Variants in RAPGEF2 observed in about 807,000 individuals in gnomAD.
RAPGEF2 encodes PDZ domain containing guanine nucleotide exchange factor (GEF) 1.
RAPGEF2 carries 54 observed loss-of-function variants against 186.7 expected under a neutral mutation model. The ratio of observed to expected loss-of-function variants is 0.29; its 90% CI spans 0.23 to 0.36. RAPGEF2 has a LOEUF of 0.36. Among genes scored for constraint, RAPGEF2 ranks in the 10% least tolerant of loss-of-function variants. The probability of loss-of-function intolerance (pLI) is 1.00; values close to 1 mark genes in which losing one functional copy is unlikely to be tolerated. For synonymous variants in RAPGEF2, 712 were observed against 705.9 expected, an observed-to-expected ratio of 1.01 and a Z score of -0.14; for missense variants, 1,532 against 2,045.0, an observed-to-expected ratio of 0.75 and a Z score of 4.84.
intron 7 of RAPGEF2, among the ~76,000 whole-genome samples, chr4:159,289,900 T>G (rs1046559750): frequency 1.3e-5 from 2 of 151,898 alleles, no homozygotes; most frequent in Admixed American, 1.3e-4. Context: ...AGAAATAGAT[T>G]TATATATTTA....
At chr4:159,253,930 G>A (rs1755807082) in intron 7 of RAPGEF2, among the ~76,000 whole-genome samples, 1 of 152,012 alleles carries the variant, frequency 6.6e-6, no homozygotes, top group East Asian at 1.9e-4. Context: ...GGAACAGAGC[G>A]AGACTCCGTC....
intron 11 of RAPGEF2, chr4:159,326,787 T>C (rs1346967965): frequency 2.0e-5 from 3 of 152,370 alleles, no homozygotes; most frequent in Non-Finnish European, 4.4e-5. Flanking sequence ...CCTTTCTTTA[T>C]TTCCTCTTTT....
chr4:159,276,920 ATCTT>A (rs995116566), intron 7 of RAPGEF2, among the ~76,000 whole-genome samples: 1 of 152,014 alleles, frequency 6.6e-6, no homozygotes, highest in East Asian at 1.9e-4. Context: ...GTTAGGGACT[ATCTT>A]TTTTTAATTA....
chr4:159,358,762 G>A lies in RAPGEF2; in HGVS notation c.*623G>A, dbSNP rs1732398330. The A allele has an allele frequency of 6.6e-6, 1 of 152,080 alleles. No homozygotes were observed. Among genetic ancestry groups the A allele is most frequent in the African/African-American group, 2.4e-5 (1 of 41,394 alleles). 9.4% of individuals were successfully genotyped at this position (152,080 alleles called of 1,614,324 possible). On this transcript the variant is annotated 3_prime_UTR_variant, in exon 30 of 30. Transcript: ENST00000691494. The stretch of plus-strand genomic sequence containing the variant: ...AGTATTATTTTAAACCTTAAGTAGG[G>A]TTGCCAGCCTGGTTTCTGAAAAACC...
chr4:159,346,249 C>A (rs1730290392), intron 24 of RAPGEF2, among the ~76,000 whole-genome samples: 2 of 152,164 alleles, frequency 1.3e-5, no homozygotes, highest in Admixed American at 1.3e-4. Flanking sequence ...TGCCATTTAT[C>A]TACCACAAAA....
chr4:159,200,269 A>G (rs1021081612), intron 3 of RAPGEF2, among the ~76,000 whole-genome samples: 1 of 151,914 alleles, frequency 6.6e-6, no homozygotes, highest in African/African-American at 2.4e-5. Context: ...GGAGTTCGAG[A>G]CCAGCCTGGA....
At chr4:159,146,669 A>G (rs968303557) in intron 1 of RAPGEF2, among the ~76,000 whole-genome samples, 6 of 152,338 alleles carry the variant, frequency 3.9e-5, no homozygotes, top group African/African-American at 1.4e-4. Context: ...TCAAGGAGGA[A>G]GAACTGGGAT....
intron 9 of RAPGEF2, among the ~76,000 whole-genome samples, chr4:159,315,564 C>T (rs192141217): frequency 2.6e-5 from 4 of 152,156 alleles, no homozygotes; most frequent in Admixed American, 6.5e-5. Flanking sequence ...TTGCGGAAAC[C>T]GGTAGTGGCC....
At chr4:159,304,302 AT>A in intron 7 of RAPGEF2, 39 bp from the exon 8 acceptor site, 1 of 1,533,242 alleles carries the variant, frequency 6.5e-7, no homozygotes, top group Non-Finnish European at 8.9e-7. Context: ...GGAGTTCTTG[AT>A]TCAGATTGTA....
At chr4:159,243,693 G>T (rs2111484631) in intron 6 of RAPGEF2, 81 bp from the exon 7 acceptor site, 2 of 885,456 alleles carry the variant, frequency 2.3e-6, no homozygotes, top group East Asian at 1.2e-4. Flanking sequence ...TCTTCATTTT[G>T]GCAGATGTAA....
chr4:159,104,300 C>T, intron 1 of RAPGEF2, 69 bp downstream of exon 1: 1 of 793,368 alleles, frequency 1.3e-6, no homozygotes, highest in Non-Finnish European at 1.8e-6. Context: ...CCCCTGTCCC[C>T]CCACCTCCTT....
chr4:159,216,975 A>G (rs1030504516), intron 4 of RAPGEF2, among the ~76,000 whole-genome samples: 3 of 152,088 alleles, frequency 2.0e-5, no homozygotes, highest in African/African-American at 4.8e-5. Context: ...GTGACAAACA[A>G]TGAGCTACTT....
intron 1 of RAPGEF2, among the ~76,000 whole-genome samples, chr4:159,113,759 AAAG>A (rs1738752928): frequency 6.6e-6 from 1 of 151,650 alleles, no homozygotes; most frequent in African/African-American, 2.4e-5. Context: ...AAAAAAAAAA[AAAG>A]TATCTTTTTT....
intron 1 of RAPGEF2, among the ~76,000 whole-genome samples, chr4:159,176,067 T>C (rs770504937): frequency 2.6e-5 from 4 of 152,170 alleles, no homozygotes; most frequent in Non-Finnish European, 2.9e-5. Context: ...GTAAGAACTT[T>C]AGAGGCTCAG....
chr4:159,135,102 G>A (rs1282927514), intron 1 of RAPGEF2, among the ~76,000 whole-genome samples: 1 of 152,142 alleles, frequency 6.6e-6, no homozygotes, highest in Non-Finnish European at 1.5e-5. Flanking sequence ...GGAGTGCAGT[G>A]GTGTGATTAT....
chr4:159,332,338 T>C (rs1411071865), intron 16 of RAPGEF2, 113 bp from the exon 17 acceptor site: 3 of 1,155,072 alleles, frequency 2.6e-6, no homozygotes, highest in South Asian at 1.5e-5. Flanking sequence ...TTTGCAGTTT[T>C]GATAACTGAA....
intron 17 of RAPGEF2, among the ~76,000 whole-genome samples, chr4:159,337,424 A>G (rs1767579483): frequency 6.6e-6 from 1 of 152,224 alleles, no homozygotes; most frequent in Non-Finnish European, 1.5e-5. Flanking sequence ...GTCAGATTAT[A>G]AAATAATTTA....
intron 1 of RAPGEF2, among the ~76,000 whole-genome samples, chr4:159,125,773 T>A (rs951550471): frequency 9.2e-4 from 136 of 147,470 alleles, no homozygotes; most frequent in Middle Eastern, 3.5e-3. Context: ...AAAAAAAAAA[T>A]AATAATTCGC....
rs570048338 is a variant in RAPGEF2 at position 159,253,244 on chromosome 4, G to A, written c.543+9453G>A. ...GTTTCTTAAAGATCAGTTGCAATGAGGAATTTAAAACCATGTTAGTGTAAC... is the reference window on the plus strand; with the variant it reads ...GTTTCTTAAAGATCAGTTGCAATGAAGAATTTAAAACCATGTTAGTGTAAC... On this transcript the variant is annotated intron_variant, in intron 7 of 29. Coordinates refer to ENST00000691494, the MANE Select transcript of RAPGEF2 (RefSeq NM_001394067.2). Among the ~76,000 whole-genome samples, 28 of 152,316 alleles carry A rather than the reference G, an allele frequency of 1.8e-4. No individual in the cohort carries two copies. The South Asian group carries it at 2.5e-3, about 14-fold the overall frequency.
Sources: gnomAD v4.1 joint callset for allele counts (sites outside exome capture counted in the v4.1 genomes callset) on GRCh38, gnomAD v4.1.1 for gene constraint, MANE v1.5 for transcripts, NCBI Gene and HGNC (gene_info 2026-07-23, HGNC 2026-07-21) for gene names.